The following DACH1 variants were observed in gnomAD, a reference collection of about 807,000 sequenced individuals.
DACH1 encodes dachshund homolog 1.
DACH1 carries 12 observed loss-of-function variants against 54.2 expected under a neutral mutation model. That is an observed-to-expected ratio of 0.22 (90% CI 0.14 to 0.36). The LOEUF (loss-of-function observed/expected upper bound fraction) is 0.36, where lower values mean the gene tolerates loss of function less well. Ranked by LOEUF, DACH1 falls within the 10% of genes least tolerant of loss-of-function variation. The pLI is 1.00. For missense variants in DACH1, 805 were observed against 929.8 expected (o/e 0.87, Z 1.75); for synonymous variants, 386 against 366.2 (o/e 1.05, Z -0.62).
chr13:71,720,684 G>T (rs1883192266), intron 1 of DACH1, among the ~76,000 whole-genome samples: 2 of 152,104 alleles, frequency 1.3e-5, no homozygotes, highest in African/African-American at 4.8e-5. Flanking sequence ...TTATATAAAT[G>T]TCTACTTTAG....
At chr13:71,783,125 C>A (rs1336773705) in intron 1 of DACH1, among the ~76,000 whole-genome samples, 1 of 152,100 alleles carries the variant, frequency 6.6e-6, no homozygotes, top group Non-Finnish European at 1.5e-5. Flanking sequence ...CACGTTCCTG[C>A]ACAGAGAAAG....
At chr13:71,595,607 C>A (rs1168660523) in intron 3 of DACH1, among the ~76,000 whole-genome samples, 1 of 152,044 alleles carries the variant, frequency 6.6e-6, no homozygotes, top group East Asian at 1.9e-4. Context: ...TTTGTTCAGA[C>A]TGCTATAAAA....
At chr13:71,764,623 TCTCGTA>T (rs1270653346) in intron 1 of DACH1, among the ~76,000 whole-genome samples, 45 of 152,188 alleles carry the variant, frequency 3.0e-4, no homozygotes, top group Non-Finnish European at 6.0e-4. Flanking sequence ...AGGGTATAAG[TCTCGTA>T]AGTTTTCACT....
intron 1 of DACH1, among the ~76,000 whole-genome samples, chr13:71,787,688 C>T (rs1013153105): frequency 1.3e-5 from 2 of 152,142 alleles, no homozygotes; most frequent in African/African-American, 4.8e-5. Flanking sequence ...AGCACGCACC[C>T]CTTACTAGGC....
intron 1 of DACH1, among the ~76,000 whole-genome samples, chr13:71,731,060 G>A (rs556125079): frequency 6.6e-6 from 1 of 151,970 alleles, no homozygotes; most frequent in East Asian, 1.9e-4. Context: ...TAAAGATGGT[G>A]AGAATGAACA....
intron 1 of DACH1, among the ~76,000 whole-genome samples, chr13:71,707,213 GATGTGAACTACATGCT>G (rs1882493648): frequency 6.6e-6 from 1 of 152,210 alleles, no homozygotes. Context: ...ACATAATAAA[GATGTGAACTACATGCT>G]ATGGGAGCAT....
At chr13:71,798,472 G>A (rs957703627) in intron 1 of DACH1, among the ~76,000 whole-genome samples, 25 of 150,502 alleles carry the variant, frequency 1.7e-4, no homozygotes, top group East Asian at 1.6e-3. Flanking sequence ...CCATAATTTC[G>A]TCTAAAACCA....
At chr13:71,770,998 A>T (rs1885830587) in intron 1 of DACH1, among the ~76,000 whole-genome samples, 1 of 151,582 alleles carries the variant, frequency 6.6e-6, no homozygotes, top group Non-Finnish European at 1.5e-5. Context: ...ACAAACTATT[A>T]GATCTGTTTA....
At chr13:71,703,774 C>A (rs1167316608) in intron 1 of DACH1, among the ~76,000 whole-genome samples, 2 of 152,054 alleles carry the variant, frequency 1.3e-5, no homozygotes, top group Non-Finnish European at 2.9e-5. Context: ...TCTGCATTCA[C>A]CCTTAGGGGA....
chr13:71,557,741 G>A (rs186584329), intron 5 of DACH1, among the ~76,000 whole-genome samples: 60 of 151,158 alleles, frequency 4.0e-4, no homozygotes, highest in Admixed American at 2.6e-4. Context: ...CACTATCACA[G>A]CTGTGTGATT....
At chr13:71,847,082 C>T (rs986663464) in intron 1 of DACH1, among the ~76,000 whole-genome samples, 8 of 152,006 alleles carry the variant, frequency 5.3e-5, no homozygotes, top group Non-Finnish European at 8.8e-5. Context: ...GACAAAACCT[C>T]GGCCCTATAA....
chr13:71,624,114 T>C (rs1368289561), intron 3 of DACH1, among the ~76,000 whole-genome samples: 1 of 151,942 alleles, frequency 6.6e-6, no homozygotes, highest in African/African-American at 2.4e-5. Context: ...GCATTTAAAT[T>C]GATGGAATAG....
chr13:71,725,111 T>C (rs1195590833), intron 1 of DACH1, among the ~76,000 whole-genome samples: 1 of 151,986 alleles, frequency 6.6e-6, no homozygotes, highest in Non-Finnish European at 1.5e-5. Context: ...AAAATAATGG[T>C]TTTGAACATA....
chr13:71,609,854 A>G (rs1313972838), intron 3 of DACH1, among the ~76,000 whole-genome samples: 1 of 152,158 alleles, frequency 6.6e-6, no homozygotes, highest in Non-Finnish European at 1.5e-5. Flanking sequence ...CTTGATAAAT[A>G]TAAAAAATTT....
chr13:71,602,561 T>C (rs1874573457), intron 3 of DACH1, among the ~76,000 whole-genome samples: 1 of 152,002 alleles, frequency 6.6e-6, no homozygotes, highest in Non-Finnish European at 1.5e-5. Flanking sequence ...ATAGAGCTAA[T>C]TATACCATGA....
intron 1 of DACH1, among the ~76,000 whole-genome samples, chr13:71,722,145 A>T (rs1416104813): frequency 6.6e-6 from 1 of 152,192 alleles, no homozygotes; most frequent in African/African-American, 2.4e-5. Flanking sequence ...AGGTAATACA[A>T]TCAGGATGAA....
intron 1 of DACH1, among the ~76,000 whole-genome samples, chr13:71,718,575 GAA>G (rs11318583): frequency 4.2e-4 from 56 of 134,026 alleles, no homozygotes; most frequent in African/African-American, 1.3e-3. Flanking sequence ...GACCATATCT[GAA>G]AAAAAAAAAA....
intron 2 of DACH1, among the ~76,000 whole-genome samples, chr13:71,677,374 TC>T (rs1880637844): frequency 6.6e-6 from 1 of 152,158 alleles, no homozygotes; most frequent in African/African-American, 2.4e-5. Flanking sequence ...TGCTATGGCA[TC>T]CGGTGACAAC....
chr13:71,564,593 C>T (rs532528378), intron 4 of DACH1, among the ~76,000 whole-genome samples: 14 of 151,878 alleles, frequency 9.2e-5, no homozygotes, highest in Admixed American at 2.6e-4. Context: ...AATTCAGAAT[C>T]AAAAATAGAA....
Sources: gnomAD v4.1 joint callset for allele counts (sites outside exome capture counted in the v4.1 genomes callset) on GRCh38, gnomAD v4.1.1 for gene constraint, MANE v1.5 for transcripts, NCBI Gene and HGNC (gene_info 2026-07-23, HGNC 2026-07-21) for gene names.